Variants in CCDC192 observed in about 807,000 individuals in gnomAD.
The protein encoded by CCDC192 is coiled-coil domain containing 192.
chr5:127,713,528 A>G (rs1751455307), intron 2 of CCDC192, among the ~76,000 whole-genome samples: 1 of 152,170 alleles, frequency 6.6e-6, no homozygotes, highest in Non-Finnish European at 1.5e-5. Flanking sequence ...TTCTCTTAGT[A>G]ATGTCTGTAG....
At chr5:127,882,381 CT>C (rs1436983891) in intron 6 of CCDC192, among the ~76,000 whole-genome samples, 7 of 152,190 alleles carry the variant, frequency 4.6e-5, no homozygotes, top group African/African-American at 1.7e-4. Context: ...ATGCCCACCC[CT>C]AGGCACTCAG....
intron 2 of CCDC192, among the ~76,000 whole-genome samples, chr5:127,752,974 G>A (rs1322688340): frequency 2.0e-5 from 3 of 152,030 alleles, no homozygotes; most frequent in Non-Finnish European, 2.9e-5. Flanking sequence ...GCTTTGGGTC[G>A]CGTCGGTGTG....
chr5:127,875,066 T>C (rs1752018178), intron 5 of CCDC192, among the ~76,000 whole-genome samples: 1 of 152,164 alleles, frequency 6.6e-6, no homozygotes, highest in African/African-American at 2.4e-5. Flanking sequence ...CACCAGCGTT[T>C]GGTGGTCGTA....
chr5:127,939,079 G>A (rs1418398633), intron 6 of CCDC192, among the ~76,000 whole-genome samples: 2 of 122,702 alleles, frequency 1.6e-5, no homozygotes, highest in Admixed American at 8.0e-5. Flanking sequence ...CCCGTTGCTT[G>A]TTAACTTATG....
intron 6 of CCDC192, 193 bp from the exon 7 acceptor site, chr5:127,940,988 CT>C (rs1169398739): frequency 7.8e-6 from 3 of 386,478 alleles, no homozygotes; most frequent in South Asian, 1.4e-4. Flanking sequence ...TGTTTTGTTT[CT>C]TTTTTCATGA....
Position 127,746,203 on chromosome 5 carries a change from TTCTC to T in CCDC192, c.115-8063_115-8060del, listed in dbSNP as rs1460077453. 7.9e-5 allele frequency among the ~76,000 whole-genome samples: 12 copies of T among 152,366 alleles called. No individual in the cohort carries two copies. The South Asian group carries it at 2.5e-3, about 32-fold the overall frequency. ...CATTCTCCACAGTTTGCTCAGGTCT[TTCTC>T]TGTCCTAAAACAGATGACAATTTCC... On this transcript the variant is annotated intron_variant, in intron 2 of 6. Coordinates refer to ENST00000514853, the MANE Select transcript of CCDC192 (RefSeq NM_001317938.2).
At chr5:127,916,081 T>A (rs945577006) in intron 6 of CCDC192, among the ~76,000 whole-genome samples, 3 of 152,252 alleles carry the variant, frequency 2.0e-5, no homozygotes, top group Non-Finnish European at 2.9e-5. Context: ...TCAACTAAGC[T>A]TATGAAATAT....
chr5:127,743,592 A>G (rs952088385), intron 2 of CCDC192, among the ~76,000 whole-genome samples: 5 of 152,156 alleles, frequency 3.3e-5, no homozygotes, highest in Non-Finnish European at 5.9e-5. Flanking sequence ...CCATCCTCCC[A>G]GGGCCACCAC....
chr5:127,924,978 AATTAT>A (rs1377014117), intron 6 of CCDC192, among the ~76,000 whole-genome samples: 16 of 152,212 alleles, frequency 1.1e-4, no homozygotes, highest in African/African-American at 3.9e-4. Context: ...CATCTCTAAA[AATTAT>A]ATTATTTTTC....
chr5:127,926,907 AG>A (rs917359433), intron 6 of CCDC192, among the ~76,000 whole-genome samples: 1 of 152,174 alleles, frequency 6.6e-6, no homozygotes, highest in Non-Finnish European at 1.5e-5. Flanking sequence ...CCAAAGGAGT[AG>A]GCAGAAAGTT....
intron 5 of CCDC192, among the ~76,000 whole-genome samples, chr5:127,823,711 G>A (rs1749401661): frequency 6.6e-6 from 1 of 152,076 alleles, no homozygotes; most frequent in Admixed American, 6.6e-5. Flanking sequence ...GACCTCCAGA[G>A]TCACCCTAGG....
At chr5:127,768,146 G>A (rs889444802) in intron 3 of CCDC192, among the ~76,000 whole-genome samples, 2 of 152,064 alleles carry the variant, frequency 1.3e-5, no homozygotes, top group Non-Finnish European at 2.9e-5. Context: ...CAGCTACTCA[G>A]GAGGCTGAGG....
intron 5 of CCDC192, among the ~76,000 whole-genome samples, chr5:127,849,084 G>T (rs1750686361): frequency 6.6e-6 from 1 of 152,100 alleles, no homozygotes; most frequent in Non-Finnish European, 1.5e-5. Context: ...ACAAAAATTA[G>T]CAGGGCGTGG....
chr5:127,838,406 G>A (rs548928554), intron 5 of CCDC192: 2 of 152,204 alleles, frequency 1.3e-5, no homozygotes, highest in South Asian at 4.1e-4. Context: ...ATACCTCTTC[G>A]TCTTCAGGGG....
intron 6 of CCDC192, among the ~76,000 whole-genome samples, chr5:127,907,781 G>T (rs1490397181): frequency 6.6e-6 from 1 of 152,096 alleles, no homozygotes; most frequent in African/African-American, 2.4e-5. Flanking sequence ...AAAAATCTTT[G>T]GTATGCTGGT....
chr5:127,896,669 C>A (rs1283785268), intron 6 of CCDC192, among the ~76,000 whole-genome samples: 1 of 152,164 alleles, frequency 6.6e-6, no homozygotes, highest in Admixed American at 6.5e-5. Flanking sequence ...TGGTCTCGAA[C>A]TCCTGACCTC....
intron 5 of CCDC192, among the ~76,000 whole-genome samples, chr5:127,831,436 A>G (rs2127042784): frequency 6.6e-6 from 1 of 152,030 alleles, no homozygotes; most frequent in Non-Finnish European, 1.5e-5. Context: ...TGAATTAACA[A>G]CCCATGTTGC....
intron 5 of CCDC192, among the ~76,000 whole-genome samples, chr5:127,833,155 G>A (rs1057027609): frequency 3.3e-5 from 5 of 151,968 alleles, no homozygotes; most frequent in African/African-American, 4.8e-5. Context: ...TTCTCATTTC[G>A]CAGTCCTGCC....
intron 2 of CCDC192, among the ~76,000 whole-genome samples, chr5:127,730,102 G>A (rs1752557707): frequency 6.6e-6 from 1 of 151,666 alleles, no homozygotes; most frequent in Non-Finnish European, 1.5e-5. Flanking sequence ...ATGAAAAAAT[G>A]AATAAAATCA....
Sources: gnomAD v4.1 joint callset for allele counts (sites outside exome capture counted in the v4.1 genomes callset) on GRCh38, gnomAD v4.1.1 for gene constraint, MANE v1.5 for transcripts, NCBI Gene and HGNC (gene_info 2026-07-23, HGNC 2026-07-21) for gene names.